The following BPGM variants were observed in gnomAD, a reference collection of about 807,000 sequenced individuals.
BPGM encodes bisphosphoglycerate mutase.
In BPGM, 15 loss-of-function variants were observed where a neutral mutation model predicts 21.6. The observed-to-expected ratio is 0.70, with a 90% confidence interval of 0.47 to 1.07. The LOEUF is 1.07. Ranked by LOEUF, BPGM falls within the 50% of genes least tolerant of loss-of-function variation. The pLI is 0.00. For synonymous variants in BPGM, 113 were observed against 116.2 expected, an observed-to-expected ratio of 0.97 and a Z score of 0.18; for missense variants, 273 against 319.0, an observed-to-expected ratio of 0.86 and a Z score of 1.10.
At chr7:134,651,781 A>G (rs1227273291) in intron 1 of BPGM, among the ~76,000 whole-genome samples, 16 of 152,234 alleles carry the variant, frequency 1.1e-4, no homozygotes. Context: ...TGGAATTTCT[A>G]TACATTTATA....
At chr7:134,654,199 A>G (rs1795600763) in intron 1 of BPGM, among the ~76,000 whole-genome samples, 1 of 152,172 alleles carries the variant, frequency 6.6e-6, no homozygotes, top group African/African-American at 2.4e-5. Context: ...TCATAGGCCT[A>G]GCATTGGGCC....
At position 134,661,340 on chromosome 7, in the gene BPGM, T is replaced by C; in HGVS notation, c.-61-107T>C. 1 of 896,894 alleles carries C rather than the reference T, an allele frequency of 1.1e-6. No homozygotes were observed. Among genetic ancestry groups the C allele is most frequent in the Non-Finnish European group, 1.7e-6 (1 of 583,636 alleles). 55.6% of individuals were successfully genotyped at this position (896,894 alleles called of 1,614,324 possible). A position where few individuals can be genotyped will look rare whatever the true frequency, so the allele number is the denominator to read the frequency against. ...TATGAGTTATCACATTTCTGACTGT[T>C]CAAAGGGATTTCAGTTTCTTTTAGA... On this transcript the variant is annotated intron_variant, in intron 1 of 2. Transcript: ENST00000344924. This position sits in a 1 kb window ranked among gnomAD's most constrained non-coding sequence, Gnocchi z 4.6.
chr7:134,675,298 T>A (rs138191027), intron 2 of BPGM, among the ~76,000 whole-genome samples: 124 of 152,268 alleles, frequency 8.1e-4, no homozygotes, highest in Admixed American at 6.1e-3. Flanking sequence ...GCTTTTGGTG[T>A]CATATCTGAG....
intron 2 of BPGM, among the ~76,000 whole-genome samples, chr7:134,678,571 A>G (rs1408503033): frequency 6.6e-6 from 1 of 152,220 alleles, no homozygotes; most frequent in Non-Finnish European, 1.5e-5. Context: ...GTGGGCATAG[A>G]GAAAATAATT....
intron 1 of BPGM, among the ~76,000 whole-genome samples, chr7:134,649,484 T>C (rs1458147919): frequency 6.6e-6 from 1 of 152,208 alleles, no homozygotes; most frequent in Admixed American, 6.5e-5. Context: ...CCTTCATCTT[T>C]GTGTGTCTGG....
At chr7:134,663,611 G>A (rs1795770734) in intron 2 of BPGM, among the ~76,000 whole-genome samples, 1 of 152,156 alleles carries the variant, frequency 6.6e-6, no homozygotes, top group African/African-American at 2.4e-5. Flanking sequence ...TTCTGCCAGA[G>A]GTGTATTCTA....
In BPGM at chr7:134,661,516, G is replaced by A. The variant is rs771924203; in HGVS notation, c.9G>A (p.Lys3=). The A allele has an allele frequency of 1.2e-5, 19 of 1,614,126 alleles. No homozygotes were observed. In the Middle Eastern group the frequency reaches 9.9e-4, roughly 84 times the overall value. MS[K]YKLIMLRHGE... is the part of the protein sequence containing the mutation. The stretch of plus-strand genomic sequence containing the variant: ...GAAGTTCAGCCATCAGTATGTCCAA[G>A]TACAAACTTATTATGTTAAGACATG... Residue 3 remains lysine, a synonymous_variant, in exon 2 of 3, where the codon AAG becomes AAA. Transcript: ENST00000344924. The surrounding 1 kb of genome is among the most constrained non-coding windows in gnomAD (Gnocchi z 4.6).
At chr7:134,655,219 T>A (rs1039079647) in intron 1 of BPGM, among the ~76,000 whole-genome samples, 6 of 152,160 alleles carry the variant, frequency 3.9e-5, no homozygotes, top group Non-Finnish European at 7.4e-5. Context: ...TGGGGAGTAT[T>A]TATTCTTAGT....
chr7:134,654,942 G>A (rs1039564546), intron 1 of BPGM, among the ~76,000 whole-genome samples: 2 of 152,186 alleles, frequency 1.3e-5, no homozygotes, highest in East Asian at 3.9e-4. Flanking sequence ...ATACACAGCT[G>A]TGTAAAAGAT....
chr7:134,650,428 GA>G (rs1415031600), intron 1 of BPGM, among the ~76,000 whole-genome samples: 1 of 152,228 alleles, frequency 6.6e-6, no homozygotes, highest in Non-Finnish European at 1.5e-5. Context: ...TGGGGAATGA[GA>G]GGGTTTTAGT....
At chr7:134,665,648 T>TGAAAAAAAAAAAAAAAAAAAAAAA (rs1795807513) in intron 2 of BPGM, among the ~76,000 whole-genome samples, 1 of 3,998 alleles carries the variant, frequency 2.5e-4, no homozygotes, top group Non-Finnish European at 3.3e-4. Flanking sequence ...TAAAAATTAA[T>TGAAAAAAAAAAAAAAAAAAAAAAA]GAAAAAAAAA....
rs150643527 is a variant in BPGM at position 134,655,826 on chromosome 7, C to T, written c.-61-5621C>T. ...CACCTACTGAGTGCCTCATATGTGC[C>T]AAGCGATGTGCTAGGTTCTAGAGAT... On this transcript the variant is annotated intron_variant, in intron 1 of 2. Coordinates refer to ENST00000344924, the MANE Select transcript of BPGM (RefSeq NM_001724.5). 3.5e-4 allele frequency among the ~76,000 whole-genome samples: 53 copies of T among 152,290 alleles called. 1 individual carries two copies. Among genetic ancestry groups the T allele is most frequent in the African/African-American group, 1.2e-3 (49 of 41,560 alleles).
At chr7:134,677,485 T>C (rs1429379578) in intron 2 of BPGM, among the ~76,000 whole-genome samples, 1 of 152,152 alleles carries the variant, frequency 6.6e-6, no homozygotes, top group Non-Finnish European at 1.5e-5. Context: ...GGCCTTGACG[T>C]GAAATTCTAA....
At chr7:134,676,408 AT>A (rs1294959574) in intron 2 of BPGM, among the ~76,000 whole-genome samples, 29 of 152,196 alleles carry the variant, frequency 1.9e-4, no homozygotes, top group Non-Finnish European at 1.3e-4. Flanking sequence ...TAACAAATTA[AT>A]TTTTTATAGT....
intron 2 of BPGM, among the ~76,000 whole-genome samples, chr7:134,666,698 C>T (rs1367579370): frequency 6.6e-6 from 1 of 152,124 alleles, no homozygotes; most frequent in East Asian, 1.9e-4. Flanking sequence ...AACTCCCACA[C>T]CTAACATGGA....
At chr7:134,654,146 G>A (rs61636857) in intron 1 of BPGM, among the ~76,000 whole-genome samples, 192 of 85,418 alleles carry the variant, frequency 2.2e-3, no homozygotes, top group African/African-American at 0.011. Context: ...ACACACACAC[G>A]TACTGAAGAT....
At chr7:134,658,892 A>ATTTTTTTTTTTTTTTTTTTTT (rs1554411129) in intron 1 of BPGM, among the ~76,000 whole-genome samples, 49 of 143,908 alleles carry the variant, frequency 3.4e-4, no homozygotes, top group African/African-American at 1.2e-3. Flanking sequence ...GTGTGTGTGT[A>ATTTTTTTTTTTTTTTTTTTTT]TTTTTTTTTT....
At chr7:134,647,289 A>G (rs1298445589) in intron 1 of BPGM, 1 of 152,236 alleles carries the variant, frequency 6.6e-6, no homozygotes, top group African/African-American at 2.4e-5. Flanking sequence ...TTCCAATAGT[A>G]AGATCCCCTG....
chr7:134,662,851 T>TGTATTG (rs1237978591), intron 2 of BPGM, among the ~76,000 whole-genome samples: 2 of 152,248 alleles, frequency 1.3e-5, no homozygotes, highest in Non-Finnish European at 2.9e-5. Context: ...TAAAACATAC[T>TGTATTG]GTATTGTTAC....
Sources: gnomAD v4.1 joint callset for allele counts (sites outside exome capture counted in the v4.1 genomes callset) on GRCh38, gnomAD v4.1.1 for gene constraint, Gnocchi (gnomAD v3.1) non-coding constraint, MANE v1.5 for transcripts, NCBI Gene and HGNC (gene_info 2026-07-23, HGNC 2026-07-21) for gene names.